NSMCE2: variants seen among roughly 807,000 people sequenced by gnomAD.
NSMCE2 encodes E3 SUMO-protein ligase NSE2.
Under a neutral mutation model 23.8 loss-of-function variants are expected in NSMCE2, and 24 were observed. The observed-to-expected ratio is 1.01, with a 90% CI of 0.73 to 1.42. NSMCE2 has a LOEUF of 1.42. Among genes scored for constraint, NSMCE2 ranks in the 40% most tolerant of loss-of-function variants. NSMCE2 has a pLI of 0.00. For synonymous variants in NSMCE2, 92 were observed against 94.1 expected, an observed-to-expected ratio of 0.98 and a Z score of 0.13; for missense variants, 284 against 296.5, an observed-to-expected ratio of 0.96 and a Z score of 0.31.
intron 4 of NSMCE2, among the ~76,000 whole-genome samples, chr8:125,153,038 C>G (rs1465870804): frequency 3.5e-5 from 4 of 114,932 alleles, no homozygotes; most frequent in Non-Finnish European, 4.8e-5. Flanking sequence ...GCCTGGGCGA[C>G]AGAGCGAGAC....
At chr8:125,116,184 G>A (rs1818997653) in intron 3 of NSMCE2, among the ~76,000 whole-genome samples, 1 of 152,152 alleles carries the variant, frequency 6.6e-6, no homozygotes, top group Admixed American at 6.5e-5. Flanking sequence ...TATGAGGCTT[G>A]TAATATGAAT....
At position 125,366,976 on chromosome 8, in the gene NSMCE2, G is replaced by A; in HGVS notation, c.*91G>A. 1.4e-6 allele frequency: 1 copy of A among 719,544 alleles called. No individual in the cohort carries two copies. Among genetic ancestry groups the A allele is most frequent in the Non-Finnish European group, 2.5e-6 (1 of 401,144 alleles). 44.6% of individuals were successfully genotyped at this position (719,544 alleles called of 1,614,324 possible). On this transcript the variant is annotated 3_prime_UTR_variant, in exon 8 of 8. Coordinates refer to ENST00000287437, the MANE Select transcript of NSMCE2 (RefSeq NM_173685.4). The stretch of plus-strand genomic sequence containing the variant: ...GTGCTGACCCCAGCAGTTAGGGACT[G>A]GCTGCATAGCATACTTGTTGGGGGT...
intron 5 of NSMCE2, among the ~76,000 whole-genome samples, chr8:125,218,368 T>A (rs763151057): frequency 1.5e-4 from 23 of 151,476 alleles, no homozygotes; most frequent in Admixed American, 3.3e-4. Context: ...ATATAAAAAC[T>A]CCACATGCAT....
In NSMCE2 at chr8:125,298,082, G is replaced by A. The variant is rs139320918; in HGVS notation, c.419-59137G>A. Among the ~76,000 whole-genome samples the A allele has an allele frequency of 2.2e-3, 334 of 152,178 alleles. 1 individual carries two copies. The highest frequency in any genetic ancestry group is 7.3e-3 in the African/African-American group (305 of 41,534). On this transcript the variant is annotated intron_variant, in intron 5 of 7. Transcript: ENST00000287437. ...TCAAGACCAGCCTGGCCAACATGGT[G>A]AAACCCCGTCTCTACTAAAAATAAA...
chr8:125,265,472 C>T (rs978064823), intron 5 of NSMCE2, among the ~76,000 whole-genome samples: 3 of 152,148 alleles, frequency 2.0e-5, no homozygotes, highest in Admixed American at 6.5e-5. Context: ...CCACCCATGT[C>T]GGCCTCCAAA....
intron 5 of NSMCE2, among the ~76,000 whole-genome samples, chr8:125,274,995 A>AGAT (rs752454118): frequency 1.7e-3 from 91 of 53,462 alleles, no homozygotes; most frequent in African/African-American, 4.3e-3. Context: ...GACAATCTGA[A>AGAT]GATGATAATA....
chr8:125,229,097 T>C (rs1825215225), intron 5 of NSMCE2, among the ~76,000 whole-genome samples: 1 of 152,092 alleles, frequency 6.6e-6, no homozygotes, highest in Admixed American at 6.5e-5. Context: ...ATACTTCTAG[T>C]GGTAGAATGA....
At chr8:125,248,204 T>C (rs923954463) in intron 5 of NSMCE2, among the ~76,000 whole-genome samples, 1 of 152,232 alleles carries the variant, frequency 6.6e-6, no homozygotes, top group Non-Finnish European at 1.5e-5. Flanking sequence ...CCTTATGTTC[T>C]GTTTGACCTT....
intron 5 of NSMCE2, among the ~76,000 whole-genome samples, chr8:125,302,204 G>A (rs886800612): frequency 1.1e-4 from 16 of 151,672 alleles, no homozygotes; most frequent in Non-Finnish European, 2.1e-4. Context: ...TCATCTGCCC[G>A]CCTCGGCCTC....
At chr8:125,342,825 C>G (rs1830297075) in intron 5 of NSMCE2, among the ~76,000 whole-genome samples, 1 of 152,292 alleles carries the variant, frequency 6.6e-6, no homozygotes, top group East Asian at 1.9e-4. Context: ...TTGGCTCTGA[C>G]CACTTTGTCA....
chr8:125,309,934 G>A (rs1828915626), intron 5 of NSMCE2, among the ~76,000 whole-genome samples: 1 of 152,194 alleles, frequency 6.6e-6, no homozygotes, highest in Non-Finnish European at 1.5e-5. Context: ...TTTTAAGAAG[G>A]AAATGTTAAA....
intron 3 of NSMCE2, among the ~76,000 whole-genome samples, chr8:125,139,071 C>T (rs1820220273): frequency 6.6e-6 from 1 of 152,206 alleles, no homozygotes; most frequent in Non-Finnish European, 1.5e-5. Flanking sequence ...GCTGAATCAG[C>T]TCTGTCTTTG....
At chr8:125,313,224 AAAAAG>A (rs1829044732) in intron 5 of NSMCE2, among the ~76,000 whole-genome samples, 1 of 150,782 alleles carries the variant, frequency 6.6e-6, no homozygotes, top group African/African-American at 2.5e-5. Flanking sequence ...GAAAAGAAAG[AAAAAG>A]AAGAAAGAAA....
chr8:125,097,230 A>G (rs1817983904), intron 1 of NSMCE2, among the ~76,000 whole-genome samples: 1 of 152,156 alleles, frequency 6.6e-6, no homozygotes, highest in African/African-American at 2.4e-5. Flanking sequence ...TTCATCACCC[A>G]GATTTTAACA....
chr8:125,314,901 A>C (rs143884693), intron 5 of NSMCE2, among the ~76,000 whole-genome samples: 1,946 of 152,292 alleles, frequency 0.013, 14 homozygotes, highest in Middle Eastern at 0.024. Flanking sequence ...GAAGTAAACA[A>C]AGCGAGATGT....
intron 1 of NSMCE2, among the ~76,000 whole-genome samples, chr8:125,096,441 A>G (rs140082857): frequency 6.6e-6 from 1 of 151,388 alleles, no homozygotes; most frequent in Non-Finnish European, 1.5e-5. Context: ...TTTGAGGATT[A>G]TTTTTTTCAG....
At chr8:125,313,932 C>T (rs1243782048) in intron 5 of NSMCE2, among the ~76,000 whole-genome samples, 1 of 152,136 alleles carries the variant, frequency 6.6e-6, no homozygotes, top group East Asian at 1.9e-4. Flanking sequence ...CTCTATCTTC[C>T]AACCAAGACC....
intron 4 of NSMCE2, among the ~76,000 whole-genome samples, chr8:125,153,370 A>C (rs1821146007): frequency 6.6e-6 from 1 of 152,202 alleles, no homozygotes; most frequent in Non-Finnish European, 1.5e-5. Context: ...ATACAAAGGT[A>C]TGCTTTCTAT....
At chr8:125,288,544 A>G (rs530132060) in intron 5 of NSMCE2, among the ~76,000 whole-genome samples, 1 of 152,142 alleles carries the variant, frequency 6.6e-6, no homozygotes, top group Admixed American at 6.5e-5. Context: ...GCCTCTCTCT[A>G]TGTCCTGGTC....
Sources: gnomAD v4.1 joint callset for allele counts (sites outside exome capture counted in the v4.1 genomes callset) on GRCh38, gnomAD v4.1.1 for gene constraint, MANE v1.5 for transcripts, NCBI Gene and HGNC (gene_info 2026-07-23, HGNC 2026-07-21) for gene names.